The following DLGAP1 variants were observed in gnomAD, a reference collection of about 807,000 sequenced individuals.
DLGAP1 encodes the protein DLG associated protein 1.
In DLGAP1, 11 loss-of-function variants were observed where a neutral mutation model predicts 90.8. That is an observed-to-expected ratio of 0.12 (90% CI 0.08 to 0.20). The LOEUF is 0.20. Ranked by LOEUF, DLGAP1 falls within the 10% of genes least tolerant of loss-of-function variation. The probability of loss-of-function intolerance (pLI) is 1.00; values close to 1 mark genes in which losing one functional copy is unlikely to be tolerated. For missense variants in DLGAP1, 1,050 were observed against 1,333.8 expected, an observed-to-expected ratio of 0.79 and a Z score of 3.31; for synonymous variants, 558 against 540.7, an observed-to-expected ratio of 1.03 and a Z score of -0.44.
intron 4 of DLGAP1, among the ~76,000 whole-genome samples, chr18:3,848,804 A>G (rs2069170810): frequency 1.3e-5 from 2 of 152,286 alleles, no homozygotes; most frequent in East Asian, 1.9e-4. Context: ...GCACCTGGAT[A>G]TTACATTTGT....
At chr18:4,170,430 G>GA (rs1197724721) in intron 1 of DLGAP1, among the ~76,000 whole-genome samples, 2 of 152,062 alleles carry the variant, frequency 1.3e-5, no homozygotes, top group Admixed American at 6.6e-5. Flanking sequence ...TTATATTATG[G>GA]AAAAATCCCT....
At chr18:4,166,261 C>T in intron 1 of DLGAP1, among the ~76,000 whole-genome samples, 1 of 152,072 alleles carries the variant, frequency 6.6e-6, no homozygotes, top group East Asian at 1.9e-4. Context: ...ACCAATAGCA[C>T]ATGAAAAGAT....
chr18:4,111,117 T>C (rs975083088), intron 2 of DLGAP1, among the ~76,000 whole-genome samples: 1 of 152,174 alleles, frequency 6.6e-6, no homozygotes, highest in African/African-American at 2.4e-5. Flanking sequence ...GTTTTTATCG[T>C]GAAGGGCTGT....
intron 1 of DLGAP1, among the ~76,000 whole-genome samples, chr18:4,411,299 C>T (rs1396317314): frequency 1.3e-5 from 2 of 152,190 alleles, no homozygotes; most frequent in African/African-American, 2.4e-5. Context: ...CAGTAGAGAA[C>T]TGATAGCCCC....
chr18:4,275,543 T>A (rs1378596478), intron 1 of DLGAP1, among the ~76,000 whole-genome samples: 5 of 152,270 alleles, frequency 3.3e-5, no homozygotes, highest in African/African-American at 1.2e-4. Flanking sequence ...ATGTATATGT[T>A]TTGGTCCTTC....
In DLGAP1 at chr18:3,987,711, G is replaced by A. The variant is rs181684219; in HGVS notation, c.-73+17405C>T. 1.2e-4 allele frequency among the ~76,000 whole-genome samples: 18 copies of A among 152,296 alleles called. No individual in the cohort carries two copies. In the East Asian group the frequency reaches 3.5e-3, roughly 29 times the overall value. ...TCCTACAATGACTATTTAATGAAAT[G>A]TAATCATGATATTGTCTTTCTTATA... On this transcript the variant is annotated intron_variant, in intron 3 of 12. Transcript: ENST00000315677.
intron 4 of DLGAP1, among the ~76,000 whole-genome samples, chr18:3,842,698 G>A (rs982215359): frequency 2.6e-5 from 4 of 151,646 alleles, no homozygotes; most frequent in South Asian, 2.1e-4. Flanking sequence ...ATGTTTCAGC[G>A]TTAAAAAAAA....
At chr18:3,743,807 G>T (rs1257502952) in intron 5 of DLGAP1, among the ~76,000 whole-genome samples, 1 of 151,968 alleles carries the variant, frequency 6.6e-6, no homozygotes, top group East Asian at 1.9e-4. Context: ...ACACCACCAT[G>T]CCTGGCTAAT....
At chr18:4,147,605 CCATCCATCCATCCA>C in intron 2 of DLGAP1, among the ~76,000 whole-genome samples, 1 of 151,682 alleles carries the variant, frequency 6.6e-6, no homozygotes, top group Non-Finnish European at 1.5e-5. Context: ...ATCCATCCAT[CCATCCATCCATCCA>C]TCCATCCATC....
intron 7 of DLGAP1, among the ~76,000 whole-genome samples, chr18:3,602,079 T>TGGC (rs2145766854): frequency 6.6e-6 from 1 of 152,172 alleles, no homozygotes; most frequent in Admixed American, 6.5e-5. Flanking sequence ...CACTACAGGG[T>TGGC]GGCAGCTCCG....
rs777255082 is a variant in DLGAP1, at chr18:3,879,724, G to A, written c.345C>T (p.Arg115=). The A allele has an allele frequency of 4.7e-5, 76 of 1,608,668 alleles. No homozygotes were observed. In the Middle Eastern group the frequency reaches 4.9e-4, roughly 10 times the overall value. ...DQFERQLPLS[R]DGYHTLQYKR... is the part of the protein sequence containing the mutation. ...TGTACTGCAGGGTGTGATAGCCATC[G>A]CGGCTGAGTGGCAGCTGCCGCTCGA... Residue 115 remains arginine, a synonymous_variant, in exon 4 of 13, where the codon CGC becomes CGT. Transcript: ENST00000315677. The surrounding 1 kb of genome is among the most constrained non-coding windows in gnomAD (Gnocchi z 6.6).
chr18:3,598,898 G>A (rs1429205205), intron 7 of DLGAP1, among the ~76,000 whole-genome samples: 1 of 152,052 alleles, frequency 6.6e-6, no homozygotes, highest in Non-Finnish European at 1.5e-5. Context: ...TCAGCCTCCT[G>A]AGTACCTGAG....
At chr18:4,082,552 C>A (rs2075626203) in intron 2 of DLGAP1, among the ~76,000 whole-genome samples, 1 of 129,908 alleles carries the variant, frequency 7.7e-6, no homozygotes. Context: ...GTATAACCAT[C>A]AGTACCCCAT....
chr18:4,444,301 G>A (rs923347536), intron 1 of DLGAP1, among the ~76,000 whole-genome samples: 1 of 152,242 alleles, frequency 6.6e-6, no homozygotes, highest in East Asian at 1.9e-4. Flanking sequence ...CATTTTGAAT[G>A]TTGCTATAGA....
chr18:3,911,209 G>C (rs942521269), intron 3 of DLGAP1, among the ~76,000 whole-genome samples: 1 of 152,126 alleles, frequency 6.6e-6, no homozygotes, highest in Non-Finnish European at 1.5e-5. Context: ...AGTTCTTTAG[G>C]ATGAAGTCTG....
At chr18:3,739,212 G>C (rs1271064138) in intron 6 of DLGAP1, among the ~76,000 whole-genome samples, 613 of 120,316 alleles carry the variant, frequency 5.1e-3, no homozygotes, top group African/African-American at 8.3e-3. Flanking sequence ...GTGGAAGTCA[G>C]TGTGGCGATT....
chr18:3,746,015 T>C (rs2063256645), intron 5 of DLGAP1, among the ~76,000 whole-genome samples: 1 of 151,970 alleles, frequency 6.6e-6, no homozygotes, highest in Admixed American at 6.6e-5. Context: ...GCTGCAATGA[T>C]GAAAATGGGT....
chr18:4,150,439 G>A (rs1311041345), intron 2 of DLGAP1, among the ~76,000 whole-genome samples: 1 of 151,860 alleles, frequency 6.6e-6, no homozygotes, highest in Non-Finnish European at 1.5e-5. Flanking sequence ...CACCCTGGCT[G>A]GAGTGCAGTG....
At chr18:3,736,727 G>A (rs1426322337) in intron 6 of DLGAP1, among the ~76,000 whole-genome samples, 8 of 152,116 alleles carry the variant, frequency 5.3e-5, no homozygotes, top group Non-Finnish European at 2.9e-5. Context: ...AAGATACTGT[G>A]TTACCATTCA....
Sources: gnomAD v4.1 joint callset for allele counts (sites outside exome capture counted in the v4.1 genomes callset) on GRCh38, gnomAD v4.1.1 for gene constraint, Gnocchi (gnomAD v3.1) non-coding constraint, MANE v1.5 for transcripts, NCBI Gene and HGNC (gene_info 2026-07-23, HGNC 2026-07-21) for gene names.